The following BICDL1 variants were observed in gnomAD, a reference collection of about 807,000 sequenced individuals.
The protein encoded by BICDL1 is BICD family like cargo adaptor 1.
In BICDL1, 20 loss-of-function variants were observed where a neutral mutation model predicts 76.8. The observed-to-expected ratio is 0.26, with a 90% CI of 0.18 to 0.38. The LOEUF is 0.38. BICDL1 is among the 10% of genes least tolerant of loss of function. BICDL1 has a pLI of 1.00. For missense variants in BICDL1, 700 were observed against 798.6 expected, an observed-to-expected ratio of 0.88 and a Z score of 1.49; for synonymous variants, 383 against 337.1, an observed-to-expected ratio of 1.14 and a Z score of -1.49.
chr12:120,052,894 C>T (rs1952893638), intron 2 of BICDL1, among the ~76,000 whole-genome samples: 1 of 152,138 alleles, frequency 6.6e-6, no homozygotes, highest in African/African-American at 2.4e-5. Context: ...GCCTCAGCCT[C>T]CTGAGTAGCT....
chr12:120,034,800 C>T (rs899494483), intron 2 of BICDL1, among the ~76,000 whole-genome samples: 4 of 152,206 alleles, frequency 2.6e-5, no homozygotes, highest in African/African-American at 4.8e-5. Context: ...GGCTCCTAGA[C>T]GTTGACCCTG....
chr12:120,058,241 C>T (rs1053555070), intron 2 of BICDL1, among the ~76,000 whole-genome samples: 2 of 152,294 alleles, frequency 1.3e-5, no homozygotes, highest in African/African-American at 4.8e-5. Context: ...TTAAAGGGAG[C>T]ATTATAGCTT....
rs763666337 is a variant in BICDL1, at chr12:119,998,607, T to G, written c.516T>G (p.Ser172Arg). ...AAGGCCGAGTGTCAGAGCTGGAGAG[T>G]GATGTGAAGCAGCTACAGGATGAGT... Reference protein sequence around the residue: ...EWEGRVSELESDVKQLQDELE... With the variant: ...EWEGRVSELERDVKQLQDELE... Residue 172 changes from serine to arginine, a missense_variant, in exon 2 of 10, where the codon AGT (serine) becomes AGG (arginine). Physicochemically the swap from Ser to Arg is moderately radical, Grantham distance 110. Transcript: ENST00000548673. The G allele has an allele frequency of 3.1e-6, 5 of 1,609,320 alleles. No homozygotes were observed. In the South Asian group the frequency reaches 4.4e-5, roughly 14 times the overall value.
chr12:120,033,678 C>A (rs569589772), intron 2 of BICDL1, among the ~76,000 whole-genome samples: 1 of 151,996 alleles, frequency 6.6e-6, no homozygotes, highest in Admixed American at 6.6e-5. Flanking sequence ...TGAGCCACTG[C>A]GGCCGGCTGA....
chr12:120,017,036 A>G (rs1333502029), intron 2 of BICDL1, among the ~76,000 whole-genome samples: 1 of 152,122 alleles, frequency 6.6e-6, no homozygotes, highest in Non-Finnish European at 1.5e-5. Flanking sequence ...AGCTGGGACT[A>G]CAGGCACCCG....
chr12:120,022,502 A>G (rs557136297), intron 2 of BICDL1, among the ~76,000 whole-genome samples: 4 of 148,414 alleles, frequency 2.7e-5, no homozygotes, highest in Non-Finnish European at 4.5e-5. Flanking sequence ...GTATATATAT[A>G]TATTAAAGGA....
chr12:120,075,953 G>A (rs1873513721), intron 7 of BICDL1, among the ~76,000 whole-genome samples: 1 of 152,238 alleles, frequency 6.6e-6, no homozygotes, highest in East Asian at 1.9e-4. Flanking sequence ...GAGATCGGCA[G>A]TTCGAGACCA....
chr12:120,089,278 G>T (rs1874727597), intron 8 of BICDL1, among the ~76,000 whole-genome samples: 1 of 139,326 alleles, frequency 7.2e-6, no homozygotes, highest in Admixed American at 6.8e-5. Flanking sequence ...CAACGTGTGT[G>T]TGTGTGTGTG....
rs547822133 is a variant in BICDL1 at position 120,090,727 on chromosome 12, C to G, written c.1704+656C>G. Reference sequence around the variant, plus strand: ...AGATGAAAAGCCGTCTGTGGCTTTACAAGGTAAGCCCCCCGTGGAGGGCAG... The same window carrying G: ...AGATGAAAAGCCGTCTGTGGCTTTAGAAGGTAAGCCCCCCGTGGAGGGCAG... On this transcript the variant is annotated intron_variant, in intron 9 of 9. Transcript: ENST00000548673. 5.8e-5 allele frequency: 23 copies of G among 395,344 alleles called. No individual in the cohort carries two copies. The Admixed American group carries it at 6.0e-4, about 10-fold the overall frequency. 24.5% of individuals were successfully genotyped at this position (395,344 alleles called of 1,614,324 possible). A position where few individuals can be genotyped will look rare whatever the true frequency, so the allele number is the denominator to read the frequency against.
intron 1 of BICDL1, 78 bp from the exon 2 acceptor site, chr12:119,998,443 G>T: frequency 1.5e-6 from 2 of 1,320,472 alleles, no homozygotes; most frequent in South Asian, 1.6e-5. Context: ...AAAAAGAAAA[G>T]TTGGGACAGC....
chr12:120,078,794 C>T (rs899195481), intron 7 of BICDL1, among the ~76,000 whole-genome samples: 10 of 152,228 alleles, frequency 6.6e-5, no homozygotes, highest in Non-Finnish European at 1.2e-4. Context: ...GTTGGCTTTT[C>T]CTGCCTAGCA....
chr12:120,040,647 C>A (rs1400835803), intron 2 of BICDL1, among the ~76,000 whole-genome samples: 3 of 152,098 alleles, frequency 2.0e-5, no homozygotes, highest in African/African-American at 7.2e-5. Context: ...AACTCCTGAG[C>A]TCAAGCCATC....
chr12:120,081,024 A>T lies in BICDL1; in HGVS notation c.1583+7A>T, dbSNP rs769271323. 3 of 1,612,188 alleles carry T rather than the reference A, an allele frequency of 1.9e-6. No homozygotes were observed. The highest frequency in any genetic ancestry group is 2.5e-6 in the Non-Finnish European group (3 of 1,179,158). ...GCGACGAGGCCATTGCAAAGTGAGT[A>T]GGGATGGCTTCACTTTATTCTTAAG... On this transcript the variant is annotated splice_region_variant and intron_variant, in intron 8 of 9. Coordinates refer to ENST00000548673, the MANE Select transcript of BICDL1 (RefSeq NM_001367886.1).
At chr12:120,055,586 T>G (rs1653486340) in intron 2 of BICDL1, among the ~76,000 whole-genome samples, 1 of 152,196 alleles carries the variant, frequency 6.6e-6, no homozygotes, top group South Asian at 2.1e-4. Context: ...TCAGATAGTT[T>G]TGGGAGTGTG....
intron 3 of BICDL1, among the ~76,000 whole-genome samples, chr12:120,062,084 T>A (rs186238495): frequency 4.4e-4 from 67 of 152,288 alleles, no homozygotes; most frequent in Admixed American, 9.8e-4. Context: ...AAAATATCCT[T>A]GCCAATCCCA....
intron 4 of BICDL1, 94 bp downstream of exon 4, chr12:120,064,973 G>C: frequency 7.1e-7 from 1 of 1,402,136 alleles, no homozygotes; most frequent in South Asian, 1.4e-5. Flanking sequence ...CATCACTGCT[G>C]GGGTAAGCTG....
intron 2 of BICDL1, among the ~76,000 whole-genome samples, chr12:120,003,182 G>A (rs975608999): frequency 1.3e-5 from 2 of 148,784 alleles, no homozygotes; most frequent in African/African-American, 2.4e-5. Flanking sequence ...AAAAACAGTC[G>A]GTAGGGAAGG....
chr12:120,022,372 T>A (rs1053989778), intron 2 of BICDL1, among the ~76,000 whole-genome samples: 4 of 150,428 alleles, frequency 2.7e-5, no homozygotes, highest in African/African-American at 9.7e-5. Flanking sequence ...GAGACCACCC[T>A]AGGCAACAGC....
intron 2 of BICDL1, among the ~76,000 whole-genome samples, chr12:120,055,333 T>C (rs1172012779): frequency 6.6e-6 from 1 of 152,230 alleles, no homozygotes; most frequent in South Asian, 2.1e-4. Context: ...TAGTGAACAG[T>C]TCTGCTTTGG....
Sources: allele counts gnomAD v4.1 joint callset (sites outside exome capture counted in the v4.1 genomes callset), GRCh38; gene constraint gnomAD v4.1.1; transcripts MANE v1.5; gene names NCBI Gene and HGNC (gene_info 2026-07-23, HGNC 2026-07-21).